The following DLC1 variants were observed in gnomAD, a reference collection of about 807,000 sequenced individuals.
DLC1 encodes the protein rho GTPase-activating protein 7.
In DLC1, 54 loss-of-function variants were observed where a neutral mutation model predicts 140.3. The observed-to-expected ratio is 0.38, with a 90% CI of 0.31 to 0.48. The LOEUF (loss-of-function observed/expected upper bound fraction) is 0.48, where lower values mean the gene tolerates loss of function less well. Among genes scored for constraint, DLC1 ranks in the 20% least tolerant of loss-of-function variants. The probability of loss-of-function intolerance (pLI) is 0.96; values close to 1 mark genes in which losing one functional copy is unlikely to be tolerated. For missense variants in DLC1, 2,536 were observed against 1,907.0 expected (o/e 1.33, Z -6.14); for synonymous variants, 986 against 728.1 (o/e 1.35, Z -5.70).
chr8:13,259,139 G>GAAAAAAAAAAAA (rs776038964), intron 5 of DLC1, among the ~76,000 whole-genome samples: 9 of 66,642 alleles, frequency 1.4e-4, no homozygotes, highest in Admixed American at 3.1e-4. Flanking sequence ...TCCGTCTCAA[G>GAAAAAAAAAAAA]AAAAAAAAAA....
intron 1 of DLC1, among the ~76,000 whole-genome samples, chr8:13,601,267 C>G (rs1455768500): frequency 6.6e-6 from 1 of 151,786 alleles, no homozygotes. Context: ...AATCAGATTT[C>G]TGACTAGCTC....
chr8:13,107,282 C>G (rs1157127011), intron 7 of DLC1, among the ~76,000 whole-genome samples: 4 of 152,170 alleles, frequency 2.6e-5, no homozygotes, highest in Admixed American at 6.6e-5. Flanking sequence ...GAAAAAGAAG[C>G]TCCTACTTAC....
chr8:13,304,565 A>C (rs1832338877), intron 5 of DLC1: 1 of 608,212 alleles, frequency 1.6e-6, no homozygotes, highest in South Asian at 7.4e-5. Flanking sequence ...CTTTTAATAT[A>C]GCTCTTAAAA....
intron 5 of DLC1, among the ~76,000 whole-genome samples, chr8:13,294,185 A>G (rs145235429): frequency 5.4e-4 from 83 of 152,342 alleles, no homozygotes; most frequent in Middle Eastern, 3.4e-3. Context: ...TCAGAATATC[A>G]TACAGTTTGA....
rs928324343 is a variant in DLC1, at chr8:13,334,712, C to A, written c.1315-29410G>T. Among the ~76,000 whole-genome samples, 18 of 152,260 alleles carry A rather than the reference C, an allele frequency of 1.2e-4. No homozygotes were observed. The South Asian group carries it at 3.7e-3, about 32-fold the overall frequency. ...CAAAAATTCCTTCTGGGTGTTTGAT[C>A]TTGGCTGAAAATCTGGTGTATCAGA... On this transcript the variant is annotated intron_variant, in intron 4 of 17. Transcript: ENST00000276297.
At chr8:13,379,502 A>G (rs1259181305) in intron 4 of DLC1, among the ~76,000 whole-genome samples, 1 of 152,226 alleles carries the variant, frequency 6.6e-6, no homozygotes, top group Non-Finnish European at 1.5e-5. Context: ...CTATTTTGTA[A>G]GTGTCGAATA....
intron 3 of DLC1, among the ~76,000 whole-genome samples, chr8:13,397,881 C>T (rs1221844146): frequency 6.6e-6 from 1 of 151,634 alleles, no homozygotes; most frequent in East Asian, 1.9e-4. Context: ...GCCTGTAATC[C>T]CAGCACTTCT....
chr8:13,382,521 A>G (rs1265641239), intron 4 of DLC1, among the ~76,000 whole-genome samples: 1 of 146,696 alleles, frequency 6.8e-6, no homozygotes, highest in Non-Finnish European at 1.5e-5. Context: ...AAAAAAAAAA[A>G]AAAAAAAAAA....
chr8:13,142,044 C>T (rs535855752), intron 5 of DLC1, among the ~76,000 whole-genome samples: 65 of 152,234 alleles, frequency 4.3e-4, no homozygotes, highest in African/African-American at 1.3e-3. Flanking sequence ...TGAATTCTCA[C>T]GAGATCTGAT....
chr8:13,507,328 T>C (rs1802142411), intron 1 of DLC1, among the ~76,000 whole-genome samples: 1 of 152,206 alleles, frequency 6.6e-6, no homozygotes, highest in South Asian at 2.1e-4. Flanking sequence ...AATTCCTTTA[T>C]GTAAATACAC....
chr8:13,553,300 A>G (rs1416954375), intron 1 of DLC1, among the ~76,000 whole-genome samples: 1 of 144,068 alleles, frequency 6.9e-6, no homozygotes, highest in Non-Finnish European at 1.5e-5. Flanking sequence ...GTGCTCCTAT[A>G]TAAGGCCAAT....
chr8:13,170,515 G>C (rs1183337286), intron 5 of DLC1, among the ~76,000 whole-genome samples: 1 of 152,124 alleles, frequency 6.6e-6, no homozygotes, highest in Admixed American at 6.6e-5. Flanking sequence ...CGGATCATGA[G>C]GTCAGGAAAT....
chr8:13,383,945 C>T (rs1836390028), intron 4 of DLC1, among the ~76,000 whole-genome samples: 1 of 152,106 alleles, frequency 6.6e-6, no homozygotes, highest in East Asian at 1.9e-4. Context: ...TTCTGACATG[C>T]GTGGAACTGT....
At chr8:13,094,717 T>C in intron 12 of DLC1, 42 bp downstream of exon 12, 1 of 1,612,048 alleles carries the variant, frequency 6.2e-7, no homozygotes, top group Non-Finnish European at 8.5e-7. Context: ...TTGGTCCCAT[T>C]TTTCCCCAAT....
In DLC1 at chr8:13,303,402, C is replaced by T. The variant is rs546845033; in HGVS notation, c.1348+1867G>A. 3.3e-5 allele frequency among the ~76,000 whole-genome samples: 5 copies of T among 152,104 alleles called. No individual in the cohort carries two copies. In the East Asian group the frequency reaches 7.7e-4, roughly 24 times the overall value. ...CTCAGAAAGATTATGTAAGGAGGGA[C>T]AGTTGATTTCATTAAAAAAATTGTT... On this transcript the variant is annotated intron_variant, in intron 5 of 17. Coordinates refer to ENST00000276297, the MANE Select transcript of DLC1 (RefSeq NM_182643.3).
chr8:13,434,329 A>C (rs905015725), intron 2 of DLC1, among the ~76,000 whole-genome samples: 6 of 152,206 alleles, frequency 3.9e-5, no homozygotes, highest in Non-Finnish European at 7.3e-5. Context: ...TCTATAACCC[A>C]AGATGTCACT....
At chr8:13,173,368 C>CT (rs35778236) in intron 5 of DLC1, among the ~76,000 whole-genome samples, 41,820 of 103,864 alleles carry the variant, frequency 0.4, 9,125 homozygotes, top group East Asian at 0.73. Flanking sequence ...GTTCTGCCCT[C>CT]TTTTTTTTTT....
intron 1 of DLC1, among the ~76,000 whole-genome samples, chr8:13,603,686 G>C (rs1038611796): frequency 2.6e-5 from 4 of 152,028 alleles, no homozygotes; most frequent in Admixed American, 2.0e-4. Context: ...GTAAATGCAA[G>C]TGATTTTAAA....
chr8:13,575,728 A>G (rs913507452), intron 1 of DLC1, among the ~76,000 whole-genome samples: 7 of 152,222 alleles, frequency 4.6e-5, no homozygotes, highest in African/African-American at 1.7e-4. Flanking sequence ...TGTCACCTGA[A>G]ACTGGTAAGG....
Sources: allele counts gnomAD v4.1 joint callset (sites outside exome capture counted in the v4.1 genomes callset), GRCh38; gene constraint gnomAD v4.1.1; transcripts MANE v1.5; gene names NCBI Gene and HGNC (gene_info 2026-07-23, HGNC 2026-07-21).